The following NFIB variants were observed in gnomAD, a reference collection of about 807,000 sequenced individuals.
The protein encoded by NFIB is nuclear factor I B, also known as nuclear factor 1 B-type.
NFIB carries 11 observed loss-of-function variants against 61.5 expected under a neutral mutation model. The ratio of observed to expected loss-of-function variants is 0.18; its 90% CI spans 0.11 to 0.30. NFIB has a LOEUF of 0.30. Ranked by LOEUF, NFIB falls within the 10% of genes least tolerant of loss-of-function variation. The pLI is 1.00. For synonymous variants in NFIB, 260 were observed against 216.5 expected, an observed-to-expected ratio of 1.20 and a Z score of -1.76; for missense variants, 471 against 608.9, an observed-to-expected ratio of 0.77 and a Z score of 2.38.
the NFIB span, among the ~76,000 whole-genome samples, chr9:14,441,204 G>A: frequency 6.8e-6 from 1 of 147,354 alleles, no homozygotes; most frequent in Non-Finnish European, 1.5e-5. Flanking sequence ...CTAATTGAAT[G>A]TAGGATAAAC....
At chr9:14,449,721 G>C in the NFIB span, among the ~76,000 whole-genome samples, 1 of 152,178 alleles carries the variant, frequency 6.6e-6, no homozygotes, top group Middle Eastern at 3.4e-3. Context: ...CCTGAGGTCA[G>C]GAGTTTGAGA....
intron 1 of NFIB, among the ~76,000 whole-genome samples, chr9:14,310,438 G>A (rs1025793515): frequency 4.6e-5 from 7 of 152,066 alleles, no homozygotes; most frequent in African/African-American, 1.7e-4. Flanking sequence ...GTATTAACAT[G>A]CCTAAATGTC....
At chr9:14,094,791 C>A (rs1485136165) in intron 10 of NFIB, among the ~76,000 whole-genome samples, 1 of 151,980 alleles carries the variant, frequency 6.6e-6, no homozygotes, top group Non-Finnish European at 1.5e-5. Flanking sequence ...GGTAAATAGC[C>A]TTCTTTATTG....
At chr9:14,437,044 G>C in the NFIB span, among the ~76,000 whole-genome samples, 374 of 152,264 alleles carry the variant, frequency 2.5e-3, 1 homozygote, top group African/African-American at 8.7e-3. Flanking sequence ...TGCTTTGTCT[G>C]GATTCCAGTT....
chr9:14,192,001 C>A (rs1298038322), intron 2 of NFIB, among the ~76,000 whole-genome samples: 2 of 152,104 alleles, frequency 1.3e-5, no homozygotes, highest in Non-Finnish European at 2.9e-5. Context: ...TGCTTGGTTA[C>A]AAGACCAGTT....
chr9:14,330,925 T>C (rs918356974), intron 1 of NFIB, among the ~76,000 whole-genome samples: 6 of 152,142 alleles, frequency 3.9e-5, no homozygotes, highest in African/African-American at 1.4e-4. Context: ...CTCTACTTCA[T>C]ATATAGGAGT....
chr9:14,335,689 C>T (rs1008381603), intron 1 of NFIB, among the ~76,000 whole-genome samples: 2 of 152,070 alleles, frequency 1.3e-5, no homozygotes, highest in African/African-American at 2.4e-5. Context: ...TTTTAAAGTT[C>T]GATGAAGTCA....
At chr9:14,402,685 G>C (rs1433812755), upstream of NFIB, among the ~76,000 whole-genome samples, 1 of 152,078 alleles carries the variant, frequency 6.6e-6, no homozygotes, top group East Asian at 1.9e-4. Context: ...AAAATTTGAA[G>C]GGGGAAATAA....
Position 14,081,926 on chromosome 9 carries a change from T to C in NFIB, c.*6383A>G. 5.0e-6 allele frequency: 1 copy of C among 200,106 alleles called. No homozygotes were observed. Among genetic ancestry groups the C allele is most frequent in the Non-Finnish European group, 1.0e-5 (1 of 96,546 alleles). 12.4% of individuals were successfully genotyped at this position (200,106 alleles called of 1,614,324 possible). A position where few individuals can be genotyped will look rare whatever the true frequency, so the allele number is the denominator to read the frequency against. ...CCGCTTCCAGTAATTGACTGCAGTA[T>C]GAGCAGCTGCTAGCAGTATAGGCTG... On this transcript the variant is annotated 3_prime_UTR_variant, in exon 11 of 11. Coordinates refer to ENST00000380953, the MANE Select transcript of NFIB (RefSeq NM_001190737.2).
the NFIB span, among the ~76,000 whole-genome samples, chr9:14,513,077 T>A: frequency 6.6e-6 from 1 of 152,166 alleles, no homozygotes; most frequent in African/African-American, 2.4e-5. Flanking sequence ...CCATCTAAAT[T>A]TTTAAATATA....
chr9:14,354,656 G>A (rs1238971947), intron 1 of NFIB, among the ~76,000 whole-genome samples: 3 of 152,156 alleles, frequency 2.0e-5, no homozygotes, highest in Admixed American at 2.0e-4. Flanking sequence ...TTATGTAGTC[G>A]CTGAGGGTTT....
the NFIB span, among the ~76,000 whole-genome samples, chr9:14,484,787 G>A: frequency 6.6e-6 from 1 of 152,194 alleles, no homozygotes; most frequent in Non-Finnish European, 1.5e-5. Flanking sequence ...TAAGTCTTGG[G>A]GAGCCTGTAT....
chr9:14,235,383 G>A (rs1423641829), intron 2 of NFIB, among the ~76,000 whole-genome samples: 2 of 152,130 alleles, frequency 1.3e-5, no homozygotes, highest in African/African-American at 4.8e-5. Context: ...AGACCTTAGT[G>A]CTGAAGGCCT....
the NFIB span, among the ~76,000 whole-genome samples, chr9:14,451,066 C>G: frequency 6.6e-6 from 1 of 152,204 alleles, no homozygotes; most frequent in Non-Finnish European, 1.5e-5. Flanking sequence ...ACCACATTAC[C>G]TCGGTGAAGC....
chr9:14,479,845 C>A, the NFIB span, among the ~76,000 whole-genome samples: 1 of 151,992 alleles, frequency 6.6e-6, no homozygotes, highest in Non-Finnish European at 1.5e-5. Flanking sequence ...AACAAACAAA[C>A]CAACAAAACC....
At chr9:14,128,022 G>A (rs1245977997) in intron 6 of NFIB, among the ~76,000 whole-genome samples, 2 of 151,260 alleles carry the variant, frequency 1.3e-5, no homozygotes, top group Non-Finnish European at 2.9e-5. Flanking sequence ...TTAAACCATG[G>A]TTTAAAAAAT....
intron 8 of NFIB, among the ~76,000 whole-genome samples, chr9:14,117,090 G>A (rs1410655509): frequency 1.3e-5 from 2 of 152,148 alleles, no homozygotes; most frequent in Non-Finnish European, 2.9e-5. Context: ...ACAAATAAAA[G>A]ATTTCCAAAG....
chr9:14,266,286 G>A (rs1402740634), intron 2 of NFIB, among the ~76,000 whole-genome samples: 2 of 152,080 alleles, frequency 1.3e-5, no homozygotes, highest in South Asian at 2.1e-4. Flanking sequence ...TGTGATCTAT[G>A]GCTTATTTAA....
At chr9:14,106,357 A>C (rs1390010432) in intron 10 of NFIB, among the ~76,000 whole-genome samples, 1 of 152,174 alleles carries the variant, frequency 6.6e-6, no homozygotes, top group Non-Finnish European at 1.5e-5. Flanking sequence ...ATTGTCTAGA[A>C]AATGCCCAGA....
Sources: allele counts gnomAD v4.1 joint callset (sites outside exome capture counted in the v4.1 genomes callset), GRCh38; gene constraint gnomAD v4.1.1; transcripts MANE v1.5; gene names NCBI Gene and HGNC (gene_info 2026-07-23, HGNC 2026-07-21).